The following CNTN5 variants were observed in gnomAD, a reference collection of about 807,000 sequenced individuals.
The protein encoded by CNTN5 is contactin-5.
A neutral mutation model predicts 129.1 loss-of-function variants in CNTN5; 77 were observed. That is an observed-to-expected ratio of 0.60 (90% CI 0.50 to 0.72). The LOEUF (loss-of-function observed/expected upper bound fraction) is 0.72, where lower values mean the gene tolerates loss of function less well. Among genes scored for constraint, CNTN5 ranks in the 30% least tolerant of loss-of-function variants. The pLI is 0.00. For synonymous variants in CNTN5, 509 were observed against 465.6 expected, an observed-to-expected ratio of 1.09 and a Z score of -1.20; for missense variants, 1,478 against 1,328.8, an observed-to-expected ratio of 1.11 and a Z score of -1.75.
intron 13 of CNTN5, among the ~76,000 whole-genome samples, chr11:100,161,506 G>A (rs1240058707): frequency 6.6e-6 from 1 of 151,778 alleles, no homozygotes; most frequent in African/African-American, 2.4e-5. Context: ...CATGGATGAT[G>A]TTCAATATTC....
intron 2 of CNTN5, among the ~76,000 whole-genome samples, chr11:99,463,962 A>T (rs1944836065): frequency 6.6e-6 from 1 of 152,226 alleles, no homozygotes; most frequent in South Asian, 2.1e-4. Context: ...ATGTGATCAA[A>T]TAAAAAGTAA....
chr11:99,303,211 G>A (rs1864721045), intron 1 of CNTN5, among the ~76,000 whole-genome samples: 1 of 151,546 alleles, frequency 6.6e-6, no homozygotes, highest in African/African-American at 2.4e-5. Flanking sequence ...ATCGATTTTA[G>A]AAGACAGTTA....
intron 6 of CNTN5, among the ~76,000 whole-genome samples, chr11:99,909,591 A>G (rs1006409700): frequency 2.2e-4 from 33 of 152,192 alleles, no homozygotes; most frequent in Admixed American, 3.9e-4. Context: ...GACTGGATTA[A>G]GAAAATGTGG....
In CNTN5 at chr11:99,355,912, C is replaced by T. The variant is rs1030949374; in HGVS notation, c.-71+30428C>T. 4.6e-5 allele frequency among the ~76,000 whole-genome samples: 7 copies of T among 151,588 alleles called. No homozygotes were observed. The East Asian group carries it at 1.2e-3, about 25-fold the overall frequency. On this transcript the variant is annotated intron_variant, in intron 2 of 24. Transcript: ENST00000524871. Reference sequence around the variant, plus strand: ...CGCTATCTCGGCTCACTGCAAGCTCCGCCACTTGGGTTCATGCCATTCTTC... The same window carrying T: ...CGCTATCTCGGCTCACTGCAAGCTCTGCCACTTGGGTTCATGCCATTCTTC...
intron 3 of CNTN5, among the ~76,000 whole-genome samples, chr11:99,558,557 C>T (rs1948745745): frequency 6.6e-6 from 1 of 151,798 alleles, no homozygotes; most frequent in Admixed American, 6.6e-5. Flanking sequence ...TTGTATTTGT[C>T]CAATATTGTT....
At chr11:99,461,018 T>C (rs1011980142) in intron 2 of CNTN5, among the ~76,000 whole-genome samples, 9 of 152,082 alleles carry the variant, frequency 5.9e-5, no homozygotes, top group Non-Finnish European at 1.0e-4. Flanking sequence ...GGTAAATAAA[T>C]TGTATCCACA....
intron 3 of CNTN5, among the ~76,000 whole-genome samples, chr11:99,700,417 A>C (rs1954467554): frequency 1.3e-5 from 2 of 151,382 alleles, no homozygotes; most frequent in African/African-American, 2.4e-5. Flanking sequence ...TTTACTGAAA[A>C]CTGATCAATG....
At chr11:99,252,847 A>C (rs1175772406) in intron 1 of CNTN5, among the ~76,000 whole-genome samples, 1 of 151,988 alleles carries the variant, frequency 6.6e-6, no homozygotes, top group African/African-American at 2.4e-5. Flanking sequence ...TCCTGATTAC[A>C]ATGAAGTTGA....
At chr11:99,929,572 CAT>C (rs1258796514) in intron 7 of CNTN5, among the ~76,000 whole-genome samples, 5 of 152,304 alleles carry the variant, frequency 3.3e-5, no homozygotes, top group African/African-American at 9.6e-5. Flanking sequence ...GGGAAGGAAA[CAT>C]GTCCTTCTTC....
At chr11:100,151,800 TTAAAG>T (rs772349675) in intron 13 of CNTN5, among the ~76,000 whole-genome samples, 1 of 152,204 alleles carries the variant, frequency 6.6e-6, no homozygotes. Flanking sequence ...TTTTGTATAC[TTAAAG>T]TATTTTGAAA....
chr11:99,870,253 G>C (rs1195748064), intron 6 of CNTN5, among the ~76,000 whole-genome samples: 4 of 152,054 alleles, frequency 2.6e-5, no homozygotes, highest in Admixed American at 2.0e-4. Context: ...CCTCCAGGTT[G>C]ATAATTCTCC....
At chr11:99,202,596 T>G (rs1859263762) in intron 1 of CNTN5, among the ~76,000 whole-genome samples, 1 of 152,094 alleles carries the variant, frequency 6.6e-6, no homozygotes, top group Non-Finnish European at 1.5e-5. Context: ...GTGTCATTAA[T>G]TTTTTTAATT....
At chr11:99,203,716 G>T (rs1397523621) in intron 1 of CNTN5, among the ~76,000 whole-genome samples, 3 of 151,952 alleles carry the variant, frequency 2.0e-5, no homozygotes, top group Non-Finnish European at 4.4e-5. Context: ...CAAGTGATAG[G>T]CCTCCCGAGT....
chr11:99,049,517 A>T (rs969465861), intron 1 of CNTN5: 1 of 152,174 alleles, frequency 6.6e-6, no homozygotes, highest in Non-Finnish European at 1.5e-5. Context: ...ATAAACGTTT[A>T]AAAAATTCTC....
chr11:99,797,065 C>T (rs1945967351), intron 3 of CNTN5, among the ~76,000 whole-genome samples: 1 of 152,038 alleles, frequency 6.6e-6, no homozygotes, highest in Non-Finnish European at 1.5e-5. Context: ...ACATCTGTGT[C>T]CTGGGCCCTT....
intron 9 of CNTN5, among the ~76,000 whole-genome samples, chr11:100,004,224 T>C (rs1940055237): frequency 6.6e-6 from 1 of 152,270 alleles, no homozygotes; most frequent in East Asian, 1.9e-4. Context: ...CAGGCTGTTT[T>C]CCCCCTCACT....
At chr11:100,285,275 T>G (rs1950750782) in intron 18 of CNTN5, among the ~76,000 whole-genome samples, 1 of 152,226 alleles carries the variant, frequency 6.6e-6, no homozygotes, top group Non-Finnish European at 1.5e-5. Context: ...GTAAGAACCC[T>G]ACGGTCTCTT....
intron 18 of CNTN5, among the ~76,000 whole-genome samples, chr11:100,280,676 TG>T (rs1288350014): frequency 6.6e-6 from 1 of 152,108 alleles, no homozygotes; most frequent in Non-Finnish European, 1.5e-5. Flanking sequence ...TCCATTTACA[TG>T]CAGTGTTACT....
intron 3 of CNTN5, among the ~76,000 whole-genome samples, chr11:99,570,399 C>T (rs1284618005): frequency 6.6e-6 from 1 of 152,140 alleles, no homozygotes; most frequent in African/African-American, 2.4e-5. Context: ...ATGGTTCAGT[C>T]GTTCTTCTAA....
Sources: gnomAD v4.1 joint callset for allele counts (sites outside exome capture counted in the v4.1 genomes callset) on GRCh38, gnomAD v4.1.1 for gene constraint, MANE v1.5 for transcripts, NCBI Gene and HGNC (gene_info 2026-07-23, HGNC 2026-07-21) for gene names.